The following CHRM5 variants were observed in gnomAD, a reference collection of about 807,000 sequenced individuals.
CHRM5 encodes the protein muscarinic acetylcholine receptor M5.
Under a neutral mutation model 39.0 loss-of-function variants are expected in CHRM5, and 18 were observed. The ratio of observed to expected loss-of-function variants is 0.46; its 90% CI spans 0.32 to 0.68. The LOEUF (loss-of-function observed/expected upper bound fraction) is 0.68. Among genes scored for constraint, CHRM5 ranks in the 30% least tolerant of loss-of-function variants. The pLI, the probability that CHRM5 is intolerant of heterozygous loss-of-function variation, is 0.04. For missense variants in CHRM5, 515 were observed against 651.1 expected (o/e 0.79, Z 2.28); for synonymous variants, 241 against 246.3 (o/e 0.98, Z 0.20).
At chr15:34,028,535 C>T (rs1428189539) in intron 1 of CHRM5, among the ~76,000 whole-genome samples, 2 of 152,188 alleles carry the variant, frequency 1.3e-5, no homozygotes, top group Non-Finnish European at 2.9e-5. Flanking sequence ...ATGGGCACTC[C>T]AGCATGGGTA....
At chr15:33,997,981 C>T (rs902664368) in intron 1 of CHRM5, among the ~76,000 whole-genome samples, 3 of 152,130 alleles carry the variant, frequency 2.0e-5, no homozygotes, top group Non-Finnish European at 4.4e-5. Flanking sequence ...ACTATACTTT[C>T]CCACTTCCTT....
At chr15:34,040,676 C>T (rs903353284) in intron 1 of CHRM5, among the ~76,000 whole-genome samples, 1 of 152,044 alleles carries the variant, frequency 6.6e-6, no homozygotes, top group Non-Finnish European at 1.5e-5. Context: ...GCCTGTAATC[C>T]CAGCATTTTG....
intron 1 of CHRM5, among the ~76,000 whole-genome samples, chr15:34,015,404 C>T (rs1897848081): frequency 6.6e-6 from 1 of 152,068 alleles, no homozygotes; most frequent in Non-Finnish European, 1.5e-5. Flanking sequence ...ATAGCGTGAA[C>T]CCGGGAGGCG....
chr15:34,046,205 T>G (rs1899674412), intron 1 of CHRM5, among the ~76,000 whole-genome samples: 1 of 152,164 alleles, frequency 6.6e-6, no homozygotes, highest in Non-Finnish European at 1.5e-5. Context: ...AACTCAGTTT[T>G]CATACTCAAC....
intron 1 of CHRM5, among the ~76,000 whole-genome samples, chr15:34,011,719 C>G (rs891662894): frequency 6.6e-6 from 1 of 152,198 alleles, no homozygotes; most frequent in African/African-American, 2.4e-5. Context: ...TTCCATCTCT[C>G]TCTTTCCCTA....
At chr15:33,977,522 C>T (rs1368353510) in intron 1 of CHRM5, among the ~76,000 whole-genome samples, 1 of 152,116 alleles carries the variant, frequency 6.6e-6, no homozygotes, top group East Asian at 1.9e-4. Flanking sequence ...GGTGTTGTAT[C>T]CCAGCCTCGT....
At chr15:34,057,265 T>C (rs1022237861) in intron 2 of CHRM5, among the ~76,000 whole-genome samples, 2 of 151,676 alleles carry the variant, frequency 1.3e-5, no homozygotes, top group African/African-American at 4.8e-5. Flanking sequence ...GCATCCTGAG[T>C]AGCTGAGAAT....
chr15:34,035,573 C>T (rs542957694), intron 1 of CHRM5, among the ~76,000 whole-genome samples: 1 of 152,094 alleles, frequency 6.6e-6, no homozygotes, highest in South Asian at 2.1e-4. Context: ...TTTCACCTCT[C>T]CTAACTGTGA....
chr15:34,010,615 C>T (rs1024505132), intron 1 of CHRM5, among the ~76,000 whole-genome samples: 3 of 152,062 alleles, frequency 2.0e-5, no homozygotes, highest in African/African-American at 7.2e-5. Context: ...CTATGTTCCT[C>T]ACAAAAGGTA....
At position 33,969,027 on chromosome 15, in the gene CHRM5, T is replaced by G. The variant is rs1895515141; in HGVS notation, c.-531T>G. On this transcript the variant is annotated 5_prime_UTR_variant, in exon 1 of 3. Coordinates refer to ENST00000383263, the MANE Select transcript of CHRM5 (RefSeq NM_012125.4). ...ATCAGGAATACAGATATAAAGACAC[T>G]GCAAGAAATAAAACACTGGCAAAAT... The G allele has an allele frequency of 3.3e-5, 5 of 152,016 alleles. No individual in the cohort carries two copies. Among genetic ancestry groups the G allele is most frequent in the Admixed American group, 3.3e-4 (5 of 15,244 alleles). 9.4% of individuals were successfully genotyped at this position (152,016 alleles called of 1,614,324 possible).
At chr15:34,053,322 ATAT>A (rs1567490292) in intron 2 of CHRM5, among the ~76,000 whole-genome samples, 13 of 95,454 alleles carry the variant, frequency 1.4e-4, no homozygotes, top group African/African-American at 4.7e-4. Context: ...AAAAAAAAAT[ATAT>A]ATATATATAT....
chr15:34,034,864 C>T (rs147175800), intron 1 of CHRM5, among the ~76,000 whole-genome samples: 60 of 152,256 alleles, frequency 3.9e-4, no homozygotes, highest in African/African-American at 1.4e-3. Context: ...CAGTTTCTAA[C>T]CAAATTTGCT....
In CHRM5 at chr15:34,065,752, G is replaced by T. The variant is rs1454553421; in HGVS notation, c.*1436G>T. The T allele has an allele frequency of 6.6e-6, 1 of 152,130 alleles. No individual in the cohort carries two copies. The highest frequency in any genetic ancestry group is 6.6e-5 in the Admixed American group (1 of 15,260). The allele number at this position is 152,130 out of a possible 1,614,324, so 9.4% of individuals were successfully genotyped here. A position where few individuals can be genotyped will look rare whatever the true frequency, so the allele number is the denominator to read the frequency against. ...CAAACGGAATCAAAGGACCTTTGTGGACAAAAGTCCACAAAGAAGCAGTAG... is the reference window on the plus strand; with the variant it reads ...CAAACGGAATCAAAGGACCTTTGTGTACAAAAGTCCACAAAGAAGCAGTAG... On this transcript the variant is annotated 3_prime_UTR_variant, in exon 3 of 3. Coordinates refer to ENST00000383263, the MANE Select transcript of CHRM5 (RefSeq NM_012125.4).
intron 1 of CHRM5, among the ~76,000 whole-genome samples, chr15:34,028,578 A>T (rs1898608517): frequency 6.6e-6 from 1 of 152,182 alleles, no homozygotes; most frequent in Non-Finnish European, 1.5e-5. Context: ...AACAAACAAC[A>T]ACAACAACAA....
chr15:34,038,960 G>A (rs1271165621), intron 1 of CHRM5: 24 of 1,108,478 alleles, frequency 2.2e-5, no homozygotes, highest in South Asian at 3.9e-5. Flanking sequence ...CTGCGGCTCC[G>A]GGCCGCTCGC....
intron 1 of CHRM5, among the ~76,000 whole-genome samples, chr15:34,003,362 C>T (rs1897214567): frequency 1.3e-5 from 2 of 152,226 alleles, no homozygotes; most frequent in African/African-American, 4.8e-5. Flanking sequence ...GAGAATCACA[C>T]TATACCAGAG....
intron 2 of CHRM5, among the ~76,000 whole-genome samples, chr15:34,051,860 C>T (rs1281856157): frequency 6.7e-6 from 1 of 150,160 alleles, no homozygotes; most frequent in African/African-American, 2.4e-5. Context: ...GCCTACCAAC[C>T]AAAAAAAGAA....
At chr15:34,036,329 T>C (rs1899123712) in intron 1 of CHRM5, among the ~76,000 whole-genome samples, 1 of 149,538 alleles carries the variant, frequency 6.7e-6, no homozygotes, top group Non-Finnish European at 1.5e-5. Flanking sequence ...TTGATTTTGT[T>C]TTCCATTTGT....
At chr15:34,011,322 A>C (rs1897627896) in intron 1 of CHRM5, among the ~76,000 whole-genome samples, 1 of 152,238 alleles carries the variant, frequency 6.6e-6, no homozygotes, top group South Asian at 2.1e-4. Context: ...ACGGATATAC[A>C]AAAAAGGGCG....
Sources: allele counts gnomAD v4.1 joint callset (sites outside exome capture counted in the v4.1 genomes callset), GRCh38; gene constraint gnomAD v4.1.1; transcripts MANE v1.5; gene names NCBI Gene and HGNC (gene_info 2026-07-23, HGNC 2026-07-21).